BAZ1A: variants seen among roughly 807,000 people sequenced by gnomAD.
The protein encoded by BAZ1A is bromodomain adjacent to zinc finger domain 1A.
Under a neutral mutation model 185.2 loss-of-function variants are expected in BAZ1A, and 50 were observed. The ratio of observed to expected loss-of-function variants is 0.27; its 90% CI spans 0.22 to 0.34. BAZ1A has a LOEUF of 0.34. Among genes scored for constraint, BAZ1A ranks in the 10% least tolerant of loss-of-function variants. BAZ1A has a pLI of 1.00. For missense variants in BAZ1A, 1,356 were observed against 1,839.9 expected (o/e 0.74, Z 4.81); for synonymous variants, 571 against 615.6 (o/e 0.93, Z 1.07).
chr14:34,777,794 C>A (rs1879746278), intron 17 of BAZ1A, among the ~76,000 whole-genome samples: 1 of 152,036 alleles, frequency 6.6e-6, no homozygotes, highest in African/African-American at 2.4e-5. Context: ...GAGTTTGAAA[C>A]CAGCCTGGCC....
chr14:34,829,852 A>G (rs2042215532), intron 3 of BAZ1A, among the ~76,000 whole-genome samples: 1 of 152,116 alleles, frequency 6.6e-6, no homozygotes, highest in African/African-American at 2.4e-5. Flanking sequence ...CATACTACCA[A>G]AATATATAGT....
At chr14:34,797,207 G>A (rs1300284570) in intron 9 of BAZ1A, among the ~76,000 whole-genome samples, 1 of 152,152 alleles carries the variant, frequency 6.6e-6, no homozygotes, top group Non-Finnish European at 1.5e-5. Flanking sequence ...ACTTTAAATG[G>A]TGAGTGATCT....
chr14:34,875,204 C>T lies in BAZ1A; in HGVS notation c.-125G>A, dbSNP rs1049950398. On this transcript the variant is annotated 5_prime_UTR_variant, in exon 1 of 27. Coordinates refer to ENST00000360310, the MANE Select transcript of BAZ1A (RefSeq NM_013448.3). ...CAAAGGCAACGAGGGGAGACCCCGT[C>T]CTCCCAGGGGACCGCCTCTCTCCGG... The T allele has an allele frequency of 3.8e-5, 17 of 450,270 alleles. No individual in the cohort carries two copies. The highest frequency in any genetic ancestry group is 3.8e-4 in the Admixed American group (16 of 42,394). The allele number at this position is 450,270 out of a possible 1,614,324, so 27.9% of individuals were successfully genotyped here. A position where few individuals can be genotyped will look rare whatever the true frequency, so the allele number is the denominator to read the frequency against.
intron 2 of BAZ1A, among the ~76,000 whole-genome samples, chr14:34,869,148 A>C (rs556825610): frequency 2.6e-5 from 4 of 151,934 alleles, no homozygotes; most frequent in African/African-American, 9.7e-5. Context: ...CGGAGTTTGC[A>C]GTGAGCCGAG....
At chr14:34,789,460 A>G (rs889830165) in intron 12 of BAZ1A, among the ~76,000 whole-genome samples, 1 of 152,236 alleles carries the variant, frequency 6.6e-6, no homozygotes, top group Non-Finnish European at 1.5e-5. Flanking sequence ...TCACTTGGGT[A>G]CATCACAACG....
intron 12 of BAZ1A, among the ~76,000 whole-genome samples, chr14:34,791,203 T>C (rs1880826992): frequency 6.6e-6 from 1 of 152,066 alleles, no homozygotes; most frequent in Non-Finnish European, 1.5e-5. Flanking sequence ...TTGCTTAATA[T>C]ATATTTTTCC....
intron 3 of BAZ1A, among the ~76,000 whole-genome samples, chr14:34,851,511 G>GGAC (rs2042596218): frequency 1.3e-5 from 2 of 152,050 alleles, no homozygotes; most frequent in South Asian, 4.1e-4. Context: ...ATGTTCCTTT[G>GGAC]TTGTATGATT....
intron 4 of BAZ1A, among the ~76,000 whole-genome samples, chr14:34,824,416 A>AG (rs2042135977): frequency 6.7e-6 from 1 of 148,152 alleles, no homozygotes; most frequent in African/African-American, 2.5e-5. Flanking sequence ...CTCAAAAAAA[A>AG]AAAAAAAAAA....
intron 25 of BAZ1A, among the ~76,000 whole-genome samples, chr14:34,758,349 A>G (rs967524522): frequency 1.9e-4 from 29 of 151,864 alleles, no homozygotes; most frequent in African/African-American, 7.0e-4. Flanking sequence ...TGGGGGGCCG[A>G]GGTGGGCAGA....
chr14:34,780,410 A>C, intron 16 of BAZ1A, 100 bp from the exon 17 acceptor site: 2 of 1,210,932 alleles, frequency 1.7e-6, no homozygotes, highest in Non-Finnish European at 2.3e-6. Flanking sequence ...TTATAGGCTT[A>C]GGAAGTAGTG....
chr14:34,859,700 T>C (rs561118843), intron 3 of BAZ1A, among the ~76,000 whole-genome samples: 1 of 152,332 alleles, frequency 6.6e-6, no homozygotes, highest in African/African-American at 2.4e-5. Flanking sequence ...CTCTTAGTAT[T>C]TTGTTTTTAC....
intron 12 of BAZ1A, among the ~76,000 whole-genome samples, chr14:34,788,516 C>A (rs1452750911): frequency 6.6e-6 from 1 of 152,050 alleles, no homozygotes; most frequent in Non-Finnish European, 1.5e-5. Context: ...ATTGCCCAGG[C>A]TGGTCTCACA....
At chr14:34,794,684 G>GT (rs1361298957) in intron 11 of BAZ1A, 65 bp downstream of exon 11, 3 of 1,521,550 alleles carry the variant, frequency 2.0e-6, no homozygotes, top group African/African-American at 2.8e-5. Flanking sequence ...AAGGTGGCTT[G>GT]TTTTTTTAAA....
In BAZ1A at chr14:34,866,690, A is replaced by G. The variant is rs140113158; in HGVS notation, c.114-4368T>C. ...TAATGATCAAATCGGGGTAACTGGGATATCCATCACATGAAGTATACTTCT... is the reference window on the plus strand; with the variant it reads ...TAATGATCAAATCGGGGTAACTGGGGTATCCATCACATGAAGTATACTTCT... On this transcript the variant is annotated intron_variant, in intron 2 of 26. Transcript: ENST00000360310. Among the ~76,000 whole-genome samples, 67 of 152,054 alleles carry G rather than the reference A, an allele frequency of 4.4e-4. No individual in the cohort carries two copies. In the East Asian group the frequency reaches 0.012, roughly 28 times the overall value.
intron 23 of BAZ1A, 116 bp downstream of exon 23, chr14:34,764,591 C>CT: frequency 7.3e-7 from 1 of 1,374,914 alleles, no homozygotes; most frequent in Admixed American, 2.2e-5. Flanking sequence ...CGTGTCCAGC[C>CT]TATATATTAG....
chr14:34,795,659 C>A lies in BAZ1A; in HGVS notation c.1224+11G>T. ...CCTATGTGTGCTAAACATCACATAA[C>A]ATGTTTATACCTTAAGGTCATCACA... is the stretch of plus-strand genomic sequence containing the variant. On this transcript the variant is annotated intron_variant, in intron 10 of 26. Coordinates refer to ENST00000360310, the MANE Select transcript of BAZ1A (RefSeq NM_013448.3). 6.4e-7 allele frequency: 1 copy of A among 1,573,876 alleles called. No individual in the cohort carries two copies. Among genetic ancestry groups the A allele is most frequent in the South Asian group, 1.2e-5 (1 of 86,408 alleles).
chr14:34,809,002 C>G (rs2041891017), intron 5 of BAZ1A, among the ~76,000 whole-genome samples: 1 of 152,138 alleles, frequency 6.6e-6, no homozygotes, highest in South Asian at 2.1e-4. Flanking sequence ...TGCATCTGTA[C>G]TAAACATGTG....
intron 3 of BAZ1A, among the ~76,000 whole-genome samples, chr14:34,852,304 C>T (rs2138792485): frequency 6.6e-6 from 1 of 152,044 alleles, no homozygotes; most frequent in Admixed American, 6.6e-5. Context: ...CCTTACATCA[C>T]CACTGGCATG....
At chr14:34,759,243 C>T (rs371369453) in intron 24 of BAZ1A, among the ~76,000 whole-genome samples, 7 of 124,596 alleles carry the variant, frequency 5.6e-5, no homozygotes, top group Non-Finnish European at 9.4e-5. Flanking sequence ...TGCAGTGTCG[C>T]GATCTTGGCT....
Sources: allele counts gnomAD v4.1 joint callset (sites outside exome capture counted in the v4.1 genomes callset), GRCh38; gene constraint gnomAD v4.1.1; transcripts MANE v1.5; gene names NCBI Gene and HGNC (gene_info 2026-07-23, HGNC 2026-07-21).